NHLRC2: variants seen among roughly 807,000 people sequenced by gnomAD.
NHLRC2 encodes NHL repeat containing 2, also known as NHL repeat-containing protein 2.
NHLRC2 carries 33 observed loss-of-function variants against 68.1 expected under a neutral mutation model. The observed-to-expected ratio is 0.48, with a 90% CI of 0.37 to 0.65. NHLRC2 has a LOEUF of 0.65. Among genes scored for constraint, NHLRC2 ranks in the 30% least tolerant of loss-of-function variants. The pLI is 0.00. For synonymous variants in NHLRC2, 311 were observed against 309.6 expected, an observed-to-expected ratio of 1.00 and a Z score of -0.05; for missense variants, 761 against 853.8, an observed-to-expected ratio of 0.89 and a Z score of 1.35.
Position 113,898,092 on chromosome 10 carries a change from T to C in NHLRC2, c.1040-18T>C. 10 of 1,456,404 alleles carry C rather than the reference T, an allele frequency of 6.9e-6. No individual in the cohort carries two copies. Among genetic ancestry groups the C allele is most frequent in the Non-Finnish European group, 9.6e-6 (10 of 1,045,104 alleles). The allele number at this position is 1,456,404 out of a possible 1,614,324, so 90.2% of individuals were successfully genotyped here. A position where few individuals can be genotyped will look rare whatever the true frequency, so the allele number is the denominator to read the frequency against. On this transcript the variant is annotated intron_variant, in intron 5 of 10. Transcript: ENST00000369301. ...TAACCAGATATGTATATAATAATAA[T>C]GATTTATTTTTATAAAGGTTCAGAG...
chr10:113,869,242 CT>C (rs563307811), intron 2 of NHLRC2, among the ~76,000 whole-genome samples: 44 of 152,204 alleles, frequency 2.9e-4, no homozygotes, highest in African/African-American at 1.1e-3. Context: ...TGAGAGTGGG[CT>C]GATTGATTAC....
chr10:113,879,020 G>A (rs773101121), intron 3 of NHLRC2, among the ~76,000 whole-genome samples: 9 of 152,150 alleles, frequency 5.9e-5, no homozygotes, highest in Non-Finnish European at 1.0e-4. Flanking sequence ...TGTAAAAACT[G>A]AGAGGTGGAC....
Position 113,903,673 on chromosome 10 carries a change from TG to T in NHLRC2, c.1642del (p.Val548Ter). ...CIGENGELLY[V>X]ADTNNHQIKV... ...TTGGAGAGAATGGAGAATTATTATA[TG>T]TAGCAGACACCAATAATCATCAAAT... On this transcript the variant is annotated frameshift_variant, in exon 9 of 11. Transcript: ENST00000369301. LOFTEE classifies it high-confidence loss of function. 1 of 1,602,838 alleles carries T rather than the reference TG, an allele frequency of 6.2e-7. No homozygotes were observed. Among genetic ancestry groups the T allele is most frequent in the Non-Finnish European group, 8.5e-7 (1 of 1,169,848 alleles).
Position 113,914,871 on chromosome 10 carries a change from T to G in NHLRC2, c.*6335T>G. 2.6e-6 allele frequency: 1 copy of G among 379,108 alleles called. No individual in the cohort carries two copies. Among genetic ancestry groups the G allele is most frequent in the East Asian group, 7.2e-5 (1 of 13,844 alleles). 23.5% of individuals were successfully genotyped at this position (379,108 alleles called of 1,614,324 possible). A position where few individuals can be genotyped will look rare whatever the true frequency, so the allele number is the denominator to read the frequency against. On this transcript the variant is annotated 3_prime_UTR_variant, in exon 11 of 11. Coordinates refer to ENST00000369301, the MANE Select transcript of NHLRC2 (RefSeq NM_198514.4). ...AGAATAGTATTAAAAGTCAGAGGCT[T>G]TACTAATCTACCTATATGTATTCCA...
At chr10:113,863,440 A>G (rs1384489715) in intron 2 of NHLRC2, among the ~76,000 whole-genome samples, 1 of 152,152 alleles carries the variant, frequency 6.6e-6, no homozygotes, top group East Asian at 1.9e-4. Flanking sequence ...CAATGTAACA[A>G]AACTTATGGC....
At chr10:113,856,957 A>G (rs972158248) in intron 1 of NHLRC2, among the ~76,000 whole-genome samples, 4 of 152,140 alleles carry the variant, frequency 2.6e-5, no homozygotes, top group Admixed American at 6.5e-5. Context: ...TGTTATTTCC[A>G]TTTTGTTGGT....
chr10:113,876,565 G>A lies in NHLRC2; in HGVS notation c.376G>A (p.Glu126Lys). The A allele has an allele frequency of 6.2e-7, 1 of 1,608,906 alleles. No homozygotes were observed. The highest frequency in any genetic ancestry group is 8.5e-7 in the Non-Finnish European group (1 of 1,177,444). ...IGVHSAKFPN[E>K]KVLDNIKSAV... is the part of the protein sequence containing the mutation. ...TGTTCACTCGGCTAAGTTTCCAAAT[G>A]AAAAAGTCCTGGATAACATTAAGAG... Residue 126 changes from glutamate to lysine, a missense_variant, in exon 3 of 11, where the codon GAA (glutamate) becomes AAA (lysine). Physicochemically the swap from Glu to Lys is moderately conservative, Grantham distance 56 (BLOSUM62 1). Coordinates refer to ENST00000369301, the MANE Select transcript of NHLRC2 (RefSeq NM_198514.4).
At chr10:113,856,619 T>G (rs1490270734) in intron 1 of NHLRC2, among the ~76,000 whole-genome samples, 3 of 152,234 alleles carry the variant, frequency 2.0e-5, no homozygotes, top group African/African-American at 7.2e-5. Context: ...ATGTTTTTTA[T>G]TTTCTAGTCT....
In NHLRC2 at chr10:113,898,214, G is replaced by A; in HGVS notation, c.1139+5G>A. ...TGGCAAACTGCCAAAGAAAAAGTAA[G>A]TGACAGCCTCTCTCTTTGAGTAGAC... On this transcript the variant is annotated splice_donor_5th_base_variant and intron_variant, in intron 6 of 10. Coordinates refer to ENST00000369301, the MANE Select transcript of NHLRC2 (RefSeq NM_198514.4). 1 of 1,585,914 alleles carries A rather than the reference G, an allele frequency of 6.3e-7. No individual in the cohort carries two copies. The highest frequency in any genetic ancestry group is 8.7e-7 in the Non-Finnish European group (1 of 1,154,612).
chr10:113,903,056 T>C (rs1057041502), intron 8 of NHLRC2, among the ~76,000 whole-genome samples: 5 of 152,192 alleles, frequency 3.3e-5, no homozygotes, highest in Non-Finnish European at 7.4e-5. Context: ...CAGTGGATAA[T>C]AAATGTTCAT....
At chr10:113,897,842 C>G (rs974137180) in intron 5 of NHLRC2, among the ~76,000 whole-genome samples, 7 of 152,196 alleles carry the variant, frequency 4.6e-5, no homozygotes, top group African/African-American at 1.7e-4. Flanking sequence ...AGGCAGAGTT[C>G]AGATGCAGAG....
At chr10:113,862,758 A>G (rs1029094803) in intron 2 of NHLRC2, among the ~76,000 whole-genome samples, 2 of 152,238 alleles carry the variant, frequency 1.3e-5, no homozygotes, top group Non-Finnish European at 2.9e-5. Context: ...AATTGTAACT[A>G]AAAGAGAGCT....
chr10:113,887,200 CAA>C (rs796232815), intron 5 of NHLRC2, among the ~76,000 whole-genome samples: 21 of 152,154 alleles, frequency 1.4e-4, no homozygotes, highest in Admixed American at 3.9e-4. Context: ...ATCAAAAAGA[CAA>C]ATGATAAATG....
chr10:113,902,916 TA>T (rs1221255212), intron 8 of NHLRC2, among the ~76,000 whole-genome samples: 3 of 152,236 alleles, frequency 2.0e-5, no homozygotes, highest in Non-Finnish European at 4.4e-5. Context: ...ATATGTCATC[TA>T]ACAAATGAAC....
chr10:113,897,365 G>C (rs1324341111), intron 5 of NHLRC2, among the ~76,000 whole-genome samples: 1 of 152,120 alleles, frequency 6.6e-6, no homozygotes, highest in Non-Finnish European at 1.5e-5. Context: ...AGTGGAAGAG[G>C]TTGTATTATA....
At chr10:113,868,940 C>G (rs1020078860) in intron 2 of NHLRC2, among the ~76,000 whole-genome samples, 1 of 151,980 alleles carries the variant, frequency 6.6e-6, no homozygotes, top group Non-Finnish European at 1.5e-5. Flanking sequence ...AAAGGAAGTC[C>G]TAGAATATAC....
intron 1 of NHLRC2, 111 bp from the exon 2 acceptor site, chr10:113,858,415 CAA>C (rs577533321): frequency 2.3e-4 from 158 of 675,038 alleles, no homozygotes; most frequent in Non-Finnish European, 1.0e-4. Flanking sequence ...GCTACTCTCT[CAA>C]AGTGTTTATT....
chr10:113,856,532 A>G (rs1229851297), intron 1 of NHLRC2, among the ~76,000 whole-genome samples: 2 of 152,262 alleles, frequency 1.3e-5, no homozygotes, highest in African/African-American at 4.8e-5. Context: ...ATGATTTTAA[A>G]AAGTTTTGGT....
At chr10:113,863,299 C>T (rs550058973) in intron 2 of NHLRC2, among the ~76,000 whole-genome samples, 1 of 152,026 alleles carries the variant, frequency 6.6e-6, no homozygotes, top group Admixed American at 6.5e-5. Context: ...AGTTAGAAAA[C>T]AATAACCAAA....
Sources: gnomAD v4.1 joint callset for allele counts (sites outside exome capture counted in the v4.1 genomes callset) on GRCh38, gnomAD v4.1.1 for gene constraint, MANE v1.5 for transcripts, NCBI Gene and HGNC (gene_info 2026-07-23, HGNC 2026-07-21) for gene names.